The following NRG1 variants were observed in gnomAD, a reference collection of about 807,000 sequenced individuals.
NRG1 encodes the protein pro-neuregulin-1, membrane-bound isoform.
In NRG1, 18 loss-of-function variants were observed where a neutral mutation model predicts 63.8. The observed-to-expected ratio is 0.28, with a 90% CI of 0.19 to 0.42. The LOEUF is 0.42. Among genes scored for constraint, NRG1 ranks in the 10% least tolerant of loss-of-function variants. NRG1 has a pLI of 1.00. For synonymous variants in NRG1, 302 were observed against 301.3 expected (o/e 1.00, Z -0.02); for missense variants, 762 against 814.7 (o/e 0.94, Z 0.79).
intron 1 of NRG1, among the ~76,000 whole-genome samples, chr8:31,670,003 T>C (rs1443875939): frequency 1.3e-5 from 2 of 152,150 alleles, no homozygotes; most frequent in Non-Finnish European, 2.9e-5. Flanking sequence ...CATATAGAGA[T>C]AAGGAGTCTT....
Position 31,640,208 on chromosome 8 carries a change from T to C in NRG1, c.37+777T>C, listed in dbSNP as rs199941564. On this transcript the variant is annotated intron_variant, in intron 1 of 10. Transcript: ENST00000519301. This position sits in a 1 kb window ranked among gnomAD's most constrained non-coding sequence, Gnocchi z 6.3. ...CCCAGCGTGGGATCGGTGCAGGAGC[T>C]AGCTCAGCGCGCCGCGGTGGTGATC... 3.4e-4 allele frequency: 391 copies of C among 1,166,692 alleles called. 6 individuals carry two copies. The East Asian group carries it at 0.013, about 40-fold the overall frequency. The allele number at this position is 1,166,692 out of a possible 1,614,324, so 72.3% of individuals were successfully genotyped here.
At chr8:32,389,691 G>A (rs1811463779) in intron 1 of NRG1, among the ~76,000 whole-genome samples, 1 of 151,896 alleles carries the variant, frequency 6.6e-6, no homozygotes, top group Non-Finnish European at 1.5e-5. Flanking sequence ...CAATCAGAGT[G>A]ATATTGCTTC....
intron 1 of NRG1, among the ~76,000 whole-genome samples, chr8:32,021,898 C>T (rs1007004278): frequency 1.3e-5 from 2 of 151,854 alleles, no homozygotes; most frequent in African/African-American, 2.4e-5. Context: ...TTCTCTTTTG[C>T]TTTTTTTCTT....
intron 1 of NRG1, among the ~76,000 whole-genome samples, chr8:32,437,594 C>T (rs1267499595): frequency 6.6e-6 from 1 of 152,126 alleles, no homozygotes; most frequent in Non-Finnish European, 1.5e-5. Context: ...TTCACAAAAA[C>T]AAGCATTAGG....
intron 1 of NRG1, among the ~76,000 whole-genome samples, chr8:31,909,864 G>A (rs767139418): frequency 1.1e-4 from 17 of 152,118 alleles, no homozygotes; most frequent in Non-Finnish European, 2.1e-4. Context: ...ATGTCCTTTG[G>A]TGCTTCTTTC....
intron 1 of NRG1, among the ~76,000 whole-genome samples, chr8:31,854,670 C>T (rs954539009): frequency 1.2e-4 from 19 of 152,060 alleles, no homozygotes; most frequent in African/African-American, 4.1e-4. Context: ...AATGTGTTTG[C>T]TCTTGCTTTT....
intron 1 of NRG1, among the ~76,000 whole-genome samples, chr8:32,532,436 A>G (rs1462787740): frequency 6.6e-6 from 1 of 152,172 alleles, no homozygotes; most frequent in African/African-American, 2.4e-5. Flanking sequence ...AATGACACTT[A>G]ATGAGAACAA....
intron 1 of NRG1, among the ~76,000 whole-genome samples, chr8:32,355,000 AG>A (rs1221998026): frequency 6.6e-6 from 1 of 151,980 alleles, no homozygotes; most frequent in East Asian, 1.9e-4. Context: ...ACAATTTAAA[AG>A]ATAAAAGAAA....
At chr8:32,575,407 G>T (rs897055405) in intron 1 of NRG1, among the ~76,000 whole-genome samples, 7 of 150,902 alleles carry the variant, frequency 4.6e-5, no homozygotes, top group African/African-American at 1.7e-4. Flanking sequence ...TACTATAAAA[G>T]TTCCCTTCCT....
At chr8:32,067,608 C>A (rs1166171008) in intron 1 of NRG1, among the ~76,000 whole-genome samples, 2 of 152,144 alleles carry the variant, frequency 1.3e-5, no homozygotes, top group African/African-American at 4.8e-5. Context: ...TTATGGCCGT[C>A]AATTTTTGAC....
At chr8:32,520,330 T>A (rs919632686) in intron 1 of NRG1, among the ~76,000 whole-genome samples, 10 of 151,950 alleles carry the variant, frequency 6.6e-5, no homozygotes, top group Non-Finnish European at 1.2e-4. Context: ...CTACTTTTTT[T>A]TTTTTTTTGG....
intron 1 of NRG1, among the ~76,000 whole-genome samples, chr8:32,576,769 A>T (rs1839716372): frequency 6.6e-6 from 1 of 151,838 alleles, no homozygotes; most frequent in Admixed American, 6.6e-5. Context: ...CTTTTTAAAA[A>T]AATAATTTCG....
At chr8:32,215,136 C>G (rs1845083935) in intron 1 of NRG1, among the ~76,000 whole-genome samples, 1 of 152,064 alleles carries the variant, frequency 6.6e-6, no homozygotes, top group African/African-American at 2.4e-5. Flanking sequence ...TTTTATTTGC[C>G]TGAAATTCAT....
At chr8:31,850,955 C>A (rs1389322965) in intron 1 of NRG1, among the ~76,000 whole-genome samples, 4 of 152,186 alleles carry the variant, frequency 2.6e-5, no homozygotes, top group Non-Finnish European at 4.4e-5. Context: ...TTGTTGGACA[C>A]CGCTTCCTTC....
intron 1 of NRG1, among the ~76,000 whole-genome samples, chr8:32,399,579 C>T (rs985463382): frequency 6.6e-6 from 1 of 152,120 alleles, no homozygotes; most frequent in African/African-American, 2.4e-5. Flanking sequence ...GTGGCAAGTG[C>T]CTGTAATCCC....
intron 1 of NRG1, among the ~76,000 whole-genome samples, chr8:32,390,617 A>AAG (rs1554525668): frequency 4.1e-4 from 62 of 150,564 alleles, no homozygotes; most frequent in African/African-American, 1.4e-3. Context: ...AAAAAAAAAA[A>AAG]AAGAAGAAGA....
At chr8:32,094,270 C>T (rs1829592279) in intron 1 of NRG1, among the ~76,000 whole-genome samples, 1 of 152,084 alleles carries the variant, frequency 6.6e-6, no homozygotes, top group Non-Finnish European at 1.5e-5. Flanking sequence ...GAGATAATAC[C>T]CTGCCAACAG....
intron 1 of NRG1, among the ~76,000 whole-genome samples, chr8:31,981,129 G>A (rs779610882): frequency 3.9e-5 from 6 of 151,940 alleles, no homozygotes; most frequent in Non-Finnish European, 8.8e-5. Flanking sequence ...ATGAGTATGG[G>A]ACTTTGGCCA....
intron 1 of NRG1, among the ~76,000 whole-genome samples, chr8:32,129,113 A>G (rs917998228): frequency 2.6e-5 from 4 of 151,984 alleles, no homozygotes; most frequent in Non-Finnish European, 5.9e-5. Context: ...GAGCACAGTC[A>G]TAATCTGTAT....
Sources: allele counts gnomAD v4.1 joint callset (sites outside exome capture counted in the v4.1 genomes callset), GRCh38; gene constraint gnomAD v4.1.1; non-coding constraint Gnocchi (gnomAD v3.1); transcripts MANE v1.5; gene names NCBI Gene and HGNC (gene_info 2026-07-23, HGNC 2026-07-21).